Variants in SYT2 observed in about 807,000 individuals in gnomAD.
SYT2 encodes synaptotagmin-2.
SYT2 carries 15 observed loss-of-function variants against 39.9 expected under a neutral mutation model. The observed-to-expected ratio is 0.38, with a 90% CI of 0.25 to 0.58. SYT2 has a LOEUF of 0.58. SYT2 is among the 20% of genes least tolerant of loss of function. The pLI is 0.70. For synonymous variants in SYT2, 181 were observed against 204.5 expected, an observed-to-expected ratio of 0.89 and a Z score of 0.98; for missense variants, 389 against 530.3, an observed-to-expected ratio of 0.73 and a Z score of 2.62.
chr1:202,596,268 GACACACACACACAC>G lies in SYT2; in HGVS notation c.*475_*488del, dbSNP rs58376514. 1.2e-4 allele frequency: 14 copies of G among 119,580 alleles called. No homozygotes were observed. The highest frequency in any genetic ancestry group is 4.3e-4 in the African/African-American group (14 of 32,854). The allele number at this position is 119,580 out of a possible 1,614,324, so 7.4% of individuals were successfully genotyped here. ...CCAGGAATGAAGAGAAATGCTCAAAGACACACACACACACACACACACACACACACACACACACA... is the reference window on the plus strand; with the variant it reads ...CCAGGAATGAAGAGAAATGCTCAAAGACACACACACACACACACACACACA... On this transcript the variant is annotated 3_prime_UTR_variant, in exon 9 of 9. Coordinates refer to ENST00000367268, the MANE Select transcript of SYT2 (RefSeq NM_177402.5).
intron 1 of SYT2, among the ~76,000 whole-genome samples, chr1:202,670,035 C>G (rs1692559144): frequency 6.6e-6 from 1 of 152,214 alleles, no homozygotes; most frequent in South Asian, 2.1e-4. Context: ...CACACCTGTA[C>G]TCACTGACAT....
At chr1:202,692,569 G>T (rs895277630) in intron 1 of SYT2, among the ~76,000 whole-genome samples, 1 of 152,224 alleles carries the variant, frequency 6.6e-6, no homozygotes, top group Non-Finnish European at 1.5e-5. Flanking sequence ...TACTTTTAAA[G>T]ACTTTCTGGA....
At chr1:202,624,619 T>C (rs199512175) in intron 1 of SYT2, among the ~76,000 whole-genome samples, 14 of 56,748 alleles carry the variant, frequency 2.5e-4, no homozygotes, top group South Asian at 2.0e-3. Flanking sequence ...TGTGGTGTCA[T>C]AGAGTGTGTG....
Position 202,664,538 on chromosome 1 carries a change from C to T in SYT2, c.-18+45720G>A, listed in dbSNP as rs114697635. On this transcript the variant is annotated intron_variant, in intron 1 of 8. Transcript: ENST00000367268. Reference sequence around the variant, plus strand: ...TTTCCTTGTGCCTCTCTGCACTCAGCCCCTATCATCCCCAGCACCAGGTAA... The same window carrying T: ...TTTCCTTGTGCCTCTCTGCACTCAGTCCCTATCATCCCCAGCACCAGGTAA... Among the ~76,000 whole-genome samples the T allele has an allele frequency of 3.2e-3, 482 of 152,308 alleles. 5 individuals are homozygous for T. Among genetic ancestry groups the T allele is most frequent in the African/African-American group, 0.01 (422 of 41,562 alleles).
At chr1:202,651,815 C>G (rs1455853395) in intron 1 of SYT2, among the ~76,000 whole-genome samples, 3 of 152,186 alleles carry the variant, frequency 2.0e-5, no homozygotes, top group Admixed American at 2.0e-4. Context: ...AATCCCAGCA[C>G]CTTGGGAGGC....
At chr1:202,629,789 A>G (rs1288326927) in intron 1 of SYT2, among the ~76,000 whole-genome samples, 1 of 144,064 alleles carries the variant, frequency 6.9e-6, no homozygotes, top group Non-Finnish European at 1.5e-5. Context: ...GAATCACTGG[A>G]GCCCAGGAGT....
chr1:202,597,085 T>G, intron 8 of SYT2, 122 bp from the exon 9 acceptor site: 1 of 786,806 alleles, frequency 1.3e-6, no homozygotes, highest in Non-Finnish European at 2.1e-6. Context: ...GGCTCCTTGG[T>G]TTCATCTCTG....
chr1:202,626,407 T>TTTTG, intron 1 of SYT2, among the ~76,000 whole-genome samples: 1 of 139,196 alleles, frequency 7.2e-6, no homozygotes, highest in East Asian at 2.1e-4. Context: ...GCTTTTTTTT[T>TTTTG]TTTTTTTTTT....
At chr1:202,677,261 A>G (rs1048555489) in intron 1 of SYT2, among the ~76,000 whole-genome samples, 1 of 152,172 alleles carries the variant, frequency 6.6e-6, no homozygotes, top group African/African-American at 2.4e-5. Flanking sequence ...TGTTCTTCTG[A>G]TAATGTGACT....
chr1:202,632,594 C>G (rs1691624651), intron 1 of SYT2: 1 of 985,226 alleles, frequency 1.0e-6, no homozygotes, highest in African/African-American at 1.7e-5. Context: ...GAGGGTGTTC[C>G]CAGGCATTAC....
Position 202,601,816 on chromosome 1 carries a change from C to A in SYT2, c.801+74G>T. On this transcript the variant is annotated intron_variant, in intron 6 of 8. Coordinates refer to ENST00000367268, the MANE Select transcript of SYT2 (RefSeq NM_177402.5). The surrounding 1 kb of genome is among the most constrained non-coding windows in gnomAD (Gnocchi z 4.0). ...TCTGCCTCCAAAGCCCACCCTGTTT[C>A]CATCATGCCAAGAGGTGGAAGCCCA... 1 of 1,508,276 alleles carries A rather than the reference C, an allele frequency of 6.6e-7. No homozygotes were observed. The highest frequency in any genetic ancestry group is 2.4e-4 in the Middle Eastern group (1 of 4,172). The allele number at this position is 1,508,276 out of a possible 1,614,324, so 93.4% of individuals were successfully genotyped here.
In SYT2 at chr1:202,700,090, A is replaced by T. The variant is rs186214187; in HGVS notation, c.-18+10168T>A. 6.2e-3 allele frequency among the ~76,000 whole-genome samples: 931 copies of T among 149,716 alleles called. 11 individuals carry two copies. The highest frequency in any genetic ancestry group is 0.022 in the African/African-American group (897 of 40,662). ...GTAGGGGTTGGGACAGTCAAGGGGG[A>T]CTCTCCCTAGACACCCCTCTCTCCC... On this transcript the variant is annotated intron_variant, in intron 1 of 8. Transcript: ENST00000367268.
chr1:202,610,846 A>G, intron 1 of SYT2, among the ~76,000 whole-genome samples: 3 of 151,388 alleles, frequency 2.0e-5, no homozygotes, highest in Non-Finnish European at 2.9e-5. Flanking sequence ...ATGGAAGAAC[A>G]TTCCATGCTC....
intron 2 of SYT2, among the ~76,000 whole-genome samples, chr1:202,604,866 G>A (rs1306915219): frequency 8.6e-6 from 1 of 116,228 alleles, no homozygotes; most frequent in Non-Finnish European, 1.6e-5. Context: ...TGTTGGTATA[G>A]CCTGCTAGCT....
intron 1 of SYT2, among the ~76,000 whole-genome samples, chr1:202,684,063 T>C (rs111895495): frequency 3.7e-4 from 57 of 152,230 alleles, no homozygotes; most frequent in African/African-American, 1.3e-3. Flanking sequence ...AAAATTTTAA[T>C]GTATTTTTGT....
At chr1:202,600,265 T>C in intron 7 of SYT2, 92 bp downstream of exon 7, 2 of 1,035,446 alleles carry the variant, frequency 1.9e-6, no homozygotes, top group Non-Finnish European at 3.0e-6. Flanking sequence ...GGCAGCAAAG[T>C]GTTCCTCTTC....
intron 1 of SYT2, among the ~76,000 whole-genome samples, chr1:202,685,758 TC>T (rs1360805798): frequency 6.6e-6 from 1 of 152,146 alleles, no homozygotes; most frequent in Non-Finnish European, 1.5e-5. Context: ...AGGGCAAATT[TC>T]CTATTGCCTG....
At chr1:202,672,640 A>T (rs959107621) in intron 1 of SYT2, among the ~76,000 whole-genome samples, 25 of 147,532 alleles carry the variant, frequency 1.7e-4, no homozygotes, top group African/African-American at 6.3e-4. Flanking sequence ...ACATTAATGA[A>T]CTGGAAAGCA....
intron 1 of SYT2, among the ~76,000 whole-genome samples, chr1:202,618,220 T>A (rs542496648): frequency 2.6e-5 from 4 of 152,132 alleles, no homozygotes; most frequent in Non-Finnish European, 5.9e-5. Context: ...CATTATGTCA[T>A]TTCACAGAAG....
Sources: allele counts gnomAD v4.1 joint callset (sites outside exome capture counted in the v4.1 genomes callset), GRCh38; gene constraint gnomAD v4.1.1; non-coding constraint Gnocchi (gnomAD v3.1); transcripts MANE v1.5; gene names NCBI Gene and HGNC (gene_info 2026-07-23, HGNC 2026-07-21).